CNTNAP2: variants seen among roughly 807,000 people sequenced by gnomAD.
CNTNAP2 encodes the protein contactin-associated protein-like 2.
In CNTNAP2, 98 loss-of-function variants were observed where a neutral mutation model predicts 155.2. That is an observed-to-expected ratio of 0.63 (90% CI 0.54 to 0.75). The LOEUF (loss-of-function observed/expected upper bound fraction) is 0.75. Among genes scored for constraint, CNTNAP2 ranks in the 30% least tolerant of loss-of-function variants. The probability of loss-of-function intolerance (pLI) is 0.00; values close to 1 mark genes in which losing one functional copy is unlikely to be tolerated. For missense variants in CNTNAP2, 1,727 were observed against 1,688.1 expected, an observed-to-expected ratio of 1.02 and a Z score of -0.40; for synonymous variants, 651 against 631.2, an observed-to-expected ratio of 1.03 and a Z score of -0.47.
chr7:146,511,331 A>G (rs1237779467), intron 1 of CNTNAP2, among the ~76,000 whole-genome samples: 1 of 152,222 alleles, frequency 6.6e-6, no homozygotes, highest in Non-Finnish European at 1.5e-5. Flanking sequence ...AGTATGTTGA[A>G]TAAAAGTAGT....
chr7:147,711,044 A>G (rs973956940), intron 13 of CNTNAP2, among the ~76,000 whole-genome samples: 1 of 152,218 alleles, frequency 6.6e-6, no homozygotes, highest in Non-Finnish European at 1.5e-5. Flanking sequence ...AATACAGCAC[A>G]TCCCAGGATT....
intron 2 of CNTNAP2, among the ~76,000 whole-genome samples, chr7:146,831,669 C>CAAAAAAAAAAA (rs531970313): frequency 1.8e-4 from 3 of 16,818 alleles, no homozygotes; most frequent in African/African-American, 5.2e-4. Context: ...AGCAAGACGC[C>CAAAAAAAAAAA]AAAAAAAAAA....
At chr7:147,319,851 T>G (rs1399945097) in intron 9 of CNTNAP2, among the ~76,000 whole-genome samples, 1 of 152,222 alleles carries the variant, frequency 6.6e-6, no homozygotes, top group Non-Finnish European at 1.5e-5. Context: ...TATGGCATTT[T>G]GTGGTTTCAC....
chr7:147,380,234 T>C (rs1042695757), intron 9 of CNTNAP2, among the ~76,000 whole-genome samples: 3 of 151,982 alleles, frequency 2.0e-5, no homozygotes, highest in Non-Finnish European at 4.4e-5. Flanking sequence ...TGTTTTAAAA[T>C]ATCTCAGAAT....
intron 1 of CNTNAP2, among the ~76,000 whole-genome samples, chr7:146,550,553 G>A (rs1798106678): frequency 6.6e-6 from 1 of 151,750 alleles, no homozygotes; most frequent in South Asian, 2.1e-4. Flanking sequence ...GCACACATGT[G>A]TGGTGTCTAT....
At chr7:147,367,497 G>A (rs1371371481) in intron 9 of CNTNAP2, among the ~76,000 whole-genome samples, 1 of 152,100 alleles carries the variant, frequency 6.6e-6, no homozygotes, top group Non-Finnish European at 1.5e-5. Flanking sequence ...TTGCTATAAG[G>A]CTAGTCCCAG....
At chr7:146,969,096 T>C (rs1797724178) in intron 3 of CNTNAP2, among the ~76,000 whole-genome samples, 1 of 150,610 alleles carries the variant, frequency 6.6e-6, no homozygotes, top group Non-Finnish European at 1.5e-5. Flanking sequence ...AGCAGGTTGT[T>C]CAGTTTCCAT....
At chr7:146,972,075 G>C (rs1012315231) in intron 3 of CNTNAP2, among the ~76,000 whole-genome samples, 3 of 152,088 alleles carry the variant, frequency 2.0e-5, no homozygotes, top group African/African-American at 7.2e-5. Context: ...ATGGCCTCTT[G>C]ATGACTGACA....
At chr7:147,181,501 C>T (rs1802454704) in intron 8 of CNTNAP2, among the ~76,000 whole-genome samples, 1 of 151,952 alleles carries the variant, frequency 6.6e-6, no homozygotes, top group African/African-American at 2.4e-5. Flanking sequence ...TAAGTATTAC[C>T]TTTAATATTT....
chr7:146,231,652 T>C (rs1799387379), intron 1 of CNTNAP2, among the ~76,000 whole-genome samples: 1 of 152,208 alleles, frequency 6.6e-6, no homozygotes, highest in Admixed American at 6.5e-5. Flanking sequence ...CAAATTTTAT[T>C]GGTCTAATTA....
intron 2 of CNTNAP2, among the ~76,000 whole-genome samples, chr7:146,832,648 CTG>C (rs1216623428): frequency 6.8e-6 from 1 of 148,146 alleles, no homozygotes; most frequent in South Asian, 2.1e-4. Context: ...AATATATACA[CTG>C]TATAATTTAT....
Position 148,417,102 on chromosome 7 carries a change from T to C in CNTNAP2, c.*1486T>C, listed in dbSNP as rs575958976. ...CTTAATAAGCACTTTCTAAAAAGTC[T>C]TGAGATCCCACCATTCTGAGGAATT... On this transcript the variant is annotated 3_prime_UTR_variant, in exon 24 of 24. Coordinates refer to ENST00000361727, the MANE Select transcript of CNTNAP2 (RefSeq NM_014141.6). The C allele has an allele frequency of 1.4e-4, 21 of 152,330 alleles. No individual in the cohort carries two copies. In the East Asian group the frequency reaches 3.8e-3, roughly 28 times the overall value. The allele number at this position is 152,330 out of a possible 1,614,324, so 9.4% of individuals were successfully genotyped here.
At chr7:146,499,493 A>G (rs942007453) in intron 1 of CNTNAP2, among the ~76,000 whole-genome samples, 2 of 152,180 alleles carry the variant, frequency 1.3e-5, no homozygotes, top group Non-Finnish European at 2.9e-5. Context: ...GGAAACTGTG[A>G]GTTTCACAAC....
At chr7:146,301,220 T>A (rs931380410) in intron 1 of CNTNAP2, among the ~76,000 whole-genome samples, 2 of 152,176 alleles carry the variant, frequency 1.3e-5, no homozygotes, top group South Asian at 2.1e-4. Flanking sequence ...CTATGCACCT[T>A]AATTTGAAAC....
At chr7:147,106,384 T>C (rs1308518501) in intron 4 of CNTNAP2, among the ~76,000 whole-genome samples, 1 of 152,086 alleles carries the variant, frequency 6.6e-6, no homozygotes, top group Non-Finnish European at 1.5e-5. Flanking sequence ...TGACAGTATA[T>C]AGGATTAAGC....
intron 8 of CNTNAP2, among the ~76,000 whole-genome samples, chr7:147,204,006 G>A (rs905444690): frequency 9.9e-5 from 15 of 151,914 alleles, no homozygotes; most frequent in Non-Finnish European, 1.5e-4. Context: ...TAAAAAGAAA[G>A]GTTGTGTCAT....
At chr7:147,675,391 G>C (rs1474428317) in intron 13 of CNTNAP2, among the ~76,000 whole-genome samples, 1 of 152,052 alleles carries the variant, frequency 6.6e-6, no homozygotes, top group Non-Finnish European at 1.5e-5. Context: ...ATATTAGTCA[G>C]GGTTCCCCAG....
chr7:147,573,225 T>C (rs1452824993), intron 12 of CNTNAP2, among the ~76,000 whole-genome samples: 4 of 152,290 alleles, frequency 2.6e-5, no homozygotes, highest in Non-Finnish European at 5.9e-5. Context: ...AAAATATCCC[T>C]GTGGATGAAG....
At chr7:147,988,377 C>T (rs1801654602) in intron 15 of CNTNAP2, among the ~76,000 whole-genome samples, 1 of 152,086 alleles carries the variant, frequency 6.6e-6, no homozygotes, top group South Asian at 2.1e-4. Flanking sequence ...AAATTTCCCC[C>T]ACAAAGAACA....
Sources: allele counts gnomAD v4.1 joint callset (sites outside exome capture counted in the v4.1 genomes callset), GRCh38; gene constraint gnomAD v4.1.1; transcripts MANE v1.5; gene names NCBI Gene and HGNC (gene_info 2026-07-23, HGNC 2026-07-21).